OGDH: variants seen among roughly 807,000 people sequenced by gnomAD.
OGDH encodes the protein 2-oxoglutarate dehydrogenase complex component E1.
OGDH carries 38 observed loss-of-function variants against 116.6 expected under a neutral mutation model. The observed-to-expected ratio is 0.33, with a 90% CI of 0.25 to 0.43. The LOEUF is 0.43. Among genes scored for constraint, OGDH ranks in the 20% least tolerant of loss-of-function variants. OGDH has a pLI of 1.00. For synonymous variants in OGDH, 488 were observed against 533.3 expected (o/e 0.92, Z 1.17); for missense variants, 825 against 1,357.2 (o/e 0.61, Z 6.16).
chr7:44,614,561 CTG>C (rs1381866823), intron 1 of OGDH, among the ~76,000 whole-genome samples: 3 of 152,068 alleles, frequency 2.0e-5, no homozygotes, highest in Admixed American at 6.6e-5. Context: ...CTGATTTCCT[CTG>C]TCTTTATTCT....
chr7:44,687,660 T>C (rs1353798619), intron 10 of OGDH, among the ~76,000 whole-genome samples: 1 of 152,060 alleles, frequency 6.6e-6, no homozygotes, highest in Non-Finnish European at 1.5e-5. Flanking sequence ...TGAGTTCAAG[T>C]GATCCACCCT....
At chr7:44,672,102 A>G (rs1006871956) in intron 5 of OGDH, among the ~76,000 whole-genome samples, 3 of 152,146 alleles carry the variant, frequency 2.0e-5, no homozygotes, top group African/African-American at 7.2e-5. Flanking sequence ...AATTAAAAAA[A>G]AAACCTTAAA....
At chr7:44,658,677 C>T (rs1786803329) in intron 4 of OGDH, among the ~76,000 whole-genome samples, 2 of 152,078 alleles carry the variant, frequency 1.3e-5, no homozygotes, top group African/African-American at 4.8e-5. Flanking sequence ...AGTCTTTCAT[C>T]ATTAAGTATA....
At chr7:44,619,080 A>G (rs1487892772) in intron 1 of OGDH, among the ~76,000 whole-genome samples, 1 of 152,190 alleles carries the variant, frequency 6.6e-6, no homozygotes, top group African/African-American at 2.4e-5. Flanking sequence ...GAACATGTGG[A>G]GATTCCTGGA....
intron 2 of OGDH, among the ~76,000 whole-genome samples, chr7:44,635,539 G>A (rs1359144267): frequency 6.6e-6 from 1 of 152,144 alleles, no homozygotes; most frequent in African/African-American, 2.4e-5. Context: ...GTGGAGTAGG[G>A]AGGGCAGCTG....
At chr7:44,698,840 TAAA>T (rs750560729) in intron 18 of OGDH, among the ~76,000 whole-genome samples, 18 of 127,668 alleles carry the variant, frequency 1.4e-4, no homozygotes, top group African/African-American at 2.6e-4. Flanking sequence ...TACCCTGTCT[TAAA>T]AAAAAAAAAA....
intron 9 of OGDH, among the ~76,000 whole-genome samples, chr7:44,680,176 C>T (rs911758776): frequency 6.6e-6 from 1 of 152,022 alleles, no homozygotes; most frequent in Non-Finnish European, 1.5e-5. Flanking sequence ...CGTGCCACTG[C>T]ACTCCAGCCT....
intron 9 of OGDH, among the ~76,000 whole-genome samples, chr7:44,678,120 T>C (rs1409626425): frequency 6.6e-6 from 1 of 151,860 alleles, no homozygotes; most frequent in Non-Finnish European, 1.5e-5. Context: ...GCCAGGACAG[T>C]GCCACAGAAA....
chr7:44,707,981 C>G lies in OGDH; in HGVS notation c.3054C>G (p.Val1018=). ...RLLDTAFDLD[V]FKNFS ...TGGACACGGCCTTCGACCTGGACGT[C>G]TTCAAGAACTTCTCGTAGATGCTGC... Residue 1018 remains valine (V), a synonymous_variant, in exon 23 of 23, where the codon GTC becomes GTG. Coordinates refer to ENST00000222673, the MANE Select transcript of OGDH (RefSeq NM_002541.4). The surrounding 1 kb of genome is among the most constrained non-coding windows in gnomAD (Gnocchi z 5.2). The G allele has an allele frequency of 1.2e-6, 2 of 1,613,488 alleles. No homozygotes were observed. Among genetic ancestry groups the G allele is most frequent in the Non-Finnish European group, 1.7e-6 (2 of 1,179,974 alleles).
intron 4 of OGDH, among the ~76,000 whole-genome samples, chr7:44,665,286 A>T (rs1397837789): frequency 6.0e-5 from 5 of 83,004 alleles, no homozygotes; most frequent in South Asian, 8.6e-4. Context: ...CCTCCAGGTT[A>T]AAAAAAAAAA....
In OGDH at chr7:44,707,709, C is replaced by T. The variant is rs868868235; in HGVS notation, c.2924C>T (p.Thr975Ile). The T allele has an allele frequency of 1.2e-6, 2 of 1,614,194 alleles. No homozygotes were observed. Among genetic ancestry groups the T allele is most frequent in the Non-Finnish European group, 8.5e-7 (1 of 1,180,046 alleles). Residue 975 changes from threonine to isoleucine, a missense_variant, in exon 22 of 23, where the codon ACC becomes ATC. Thr to Ile is a moderately conservative substitution (Grantham distance 89). Around this residue, in one of 7 missense-constraint regions of OGDH, gnomAD observed 212 missense variants for 284.3 expected, o/e 0.75. Transcript: ENST00000222673. This position sits in a 1 kb window ranked among gnomAD's most constrained non-coding sequence, Gnocchi z 5.2. Reference sequence around the variant, plus strand: ...GACTACGTGAAGCCAAGACTTCGGACCACCATCAGCCGCGCCAAGCCCGTC... The same window carrying T: ...GACTACGTGAAGCCAAGACTTCGGATCACCATCAGCCGCGCCAAGCCCGTC... The part of the protein sequence containing the change: ...YYDYVKPRLR[T>I]TISRAKPVWY...
At position 44,705,051 on chromosome 7, in the gene OGDH, C is replaced by CTTTTTTTTTTTTTTTTTTT. The variant is rs777624714; in HGVS notation, c.2633-2173_2633-2155dup. Among the ~76,000 whole-genome samples, 21 of 93,924 alleles carry CTTTTTTTTTTTTTTTTTTT rather than the reference C, an allele frequency of 2.2e-4. 2 individuals are homozygous for CTTTTTTTTTTTTTTTTTTT. Among genetic ancestry groups the CTTTTTTTTTTTTTTTTTTT allele is most frequent in the African/African-American group, 8.2e-4 (14 of 17,072 alleles). The allele number at this position is 93,924 out of a possible 152,430, so 61.6% of individuals were successfully genotyped here. The stretch of plus-strand genomic sequence containing the variant: ...TTGATGTACAAAAGTTTTTAATTTT[C>CTTTTTTTTTTTTTTTTTTT]TTTTTTTTTTTTTTTTTTTGAGACG... On this transcript the variant is annotated intron_variant, in intron 20 of 22. Transcript: ENST00000222673.
intron 1 of OGDH, among the ~76,000 whole-genome samples, chr7:44,619,575 T>G (rs1033717899): frequency 3.3e-5 from 5 of 152,212 alleles, no homozygotes; most frequent in Non-Finnish European, 7.3e-5. Context: ...AGCACTTCCT[T>G]AGTTTCATTG....
Position 44,696,506 on chromosome 7 carries a change from A to T in OGDH, c.1849A>T (p.Ile617Phe), listed in dbSNP as rs756205482. 6.2e-7 allele frequency: 1 copy of T among 1,614,176 alleles called. No individual in the cohort carries two copies. The highest frequency in any genetic ancestry group is 1.7e-5 in the Admixed American group (1 of 60,020). ...TGLTEDILTHIGNVASSVPVE... is the reference protein window; with the variant it reads ...TGLTEDILTHFGNVASSVPVE... ...TCTGACGGAGGATATTCTGACACACATCGGGAATGTGGCTAGTTCTGTGCC... is the reference window on the plus strand; with the variant it reads ...TCTGACGGAGGATATTCTGACACACTTCGGGAATGTGGCTAGTTCTGTGCC... The change falls in exon 14 of 23, where the codon ATC becomes TTC. Residue 617 changes from isoleucine (I) to phenylalanine (F), a missense_variant. By Grantham distance (21) the Ile-to-Phe change is conservative. Around this residue, in one of 7 missense-constraint regions of OGDH, gnomAD observed 92 missense variants for 129.7 expected, o/e 0.71. Coordinates refer to ENST00000222673, the MANE Select transcript of OGDH (RefSeq NM_002541.4).
chr7:44,694,988 T>C lies in OGDH; in HGVS notation c.1668+412T>C, dbSNP rs1788517267. On this transcript the variant is annotated intron_variant, in intron 12 of 22. Coordinates refer to ENST00000222673, the MANE Select transcript of OGDH (RefSeq NM_002541.4). This position sits in a 1 kb window ranked among gnomAD's most constrained non-coding sequence, Gnocchi z 4.2. ...CTGCCCTAGAGAGGGAGAGGGTGGG[T>C]GTGAGGAGCTATATCTGAGCATGGG... 6.6e-6 allele frequency among the ~76,000 whole-genome samples: 1 copy of C among 151,940 alleles called. No homozygotes were observed. Among genetic ancestry groups the C allele is most frequent in the Non-Finnish European group, 1.5e-5 (1 of 67,996 alleles).
chr7:44,649,909 G>T (rs188032155), intron 4 of OGDH, among the ~76,000 whole-genome samples: 53 of 152,326 alleles, frequency 3.5e-4, no homozygotes, highest in African/African-American at 1.2e-3. Flanking sequence ...TCCAGATTCA[G>T]CAACAACATC....
chr7:44,707,748 G>GT lies in OGDH; in HGVS notation c.2951+13dup, dbSNP rs1186097842. ...GCCAAGCCCGTCTGGTAAGGCTTCA[G>GT]TCCCTGCCAGGAAGGCTGTGGGACC... On this transcript the variant is annotated intron_variant, in intron 22 of 22. Transcript: ENST00000222673. The surrounding 1 kb of genome is among the most constrained non-coding windows in gnomAD (Gnocchi z 5.2). The GT allele has an allele frequency of 1.2e-6, 2 of 1,614,052 alleles. No homozygotes were observed. The highest frequency in any genetic ancestry group is 3.3e-5 in the Admixed American group (2 of 60,018).
At chr7:44,679,595 A>G (rs1787843686) in intron 9 of OGDH, among the ~76,000 whole-genome samples, 1 of 152,200 alleles carries the variant, frequency 6.6e-6, no homozygotes, top group Non-Finnish European at 1.5e-5. Context: ...ACACAGCAGG[A>G]GAGGGTGTGT....
chr7:44,700,857 T>TA (rs1788797342), intron 19 of OGDH, among the ~76,000 whole-genome samples: 1 of 151,680 alleles, frequency 6.6e-6, no homozygotes, highest in African/African-American at 2.4e-5. Flanking sequence ...CCAAAAAAAA[T>TA]ACAAAAAAAT....
Sources: allele counts gnomAD v4.1 joint callset (sites outside exome capture counted in the v4.1 genomes callset), GRCh38; gene constraint gnomAD v4.1.1; regional missense constraint gnomAD v4.1.1; non-coding constraint Gnocchi (gnomAD v3.1); transcripts MANE v1.5; gene names NCBI Gene and HGNC (gene_info 2026-07-23, HGNC 2026-07-21).